TEP1: variants seen among roughly 807,000 people sequenced by gnomAD.
TEP1 encodes telomerase associated protein 1, also known as telomerase protein component 1.
Under a neutral mutation model 306.3 loss-of-function variants are expected in TEP1, and 241 were observed. That is an observed-to-expected ratio of 0.79 (90% CI 0.71 to 0.88). TEP1 has a LOEUF of 0.88. TEP1 is among the 40% of genes least tolerant of loss of function. TEP1 has a pLI of 0.00. For synonymous variants in TEP1, 1,289 were observed against 1,305.5 expected (o/e 0.99, Z 0.27); for missense variants, 3,051 against 3,276.1 (o/e 0.93, Z 1.68).
intron 21 of TEP1, 68 bp from the exon 22 acceptor site, chr14:20,384,781 C>T: frequency 6.6e-7 from 1 of 1,525,062 alleles, no homozygotes; most frequent in Non-Finnish European, 9.0e-7. Context: ...CACCAACCAC[C>T]AGACATAGCT....
chr14:20,380,460 T>C lies in TEP1; in HGVS notation c.4778A>G (p.Lys1593Arg), dbSNP rs200780330. ...AHALYASSVP[K>R]EEQKLPEADV... The stretch of plus-strand genomic sequence containing the variant: ...AGCCTCGGGGAGCTTTTGTTCCTCT[T>C]TGGGGACTGAAGAAGCTATAAAAGG... Residue 1593 changes from lysine (K) to arginine (R), a missense_variant, in exon 34 of 55, where the codon AAA becomes AGA. Physicochemically the swap from Lys to Arg is conservative, Grantham distance 26 (BLOSUM62 2). Around this residue, in one of 3 missense-constraint regions of TEP1, gnomAD observed 1,540 missense variants for 1,705.9 expected, o/e 0.90. Coordinates refer to ENST00000262715, the MANE Select transcript of TEP1 (RefSeq NM_007110.5). 5.0e-6 allele frequency: 8 copies of C among 1,613,066 alleles called. No homozygotes were observed. Among genetic ancestry groups the C allele is most frequent in the South Asian group, 1.1e-5 (1 of 91,078 alleles).
chr14:20,384,812 A>G, intron 21 of TEP1, 99 bp from the exon 22 acceptor site: 1 of 1,483,186 alleles, frequency 6.7e-7, no homozygotes. Context: ...GAAGCTCCTC[A>G]AGTAGAGAGC....
At chr14:20,384,320 T>A (rs2139073030) in intron 23 of TEP1, 71 bp downstream of exon 23, 2 of 1,610,076 alleles carry the variant, frequency 1.2e-6, no homozygotes, top group Non-Finnish European at 1.7e-6. Flanking sequence ...GCCAAGCTAC[T>A]TCCTCCCCAG....
At chr14:20,374,022 T>A (rs1295961225) in intron 44 of TEP1, among the ~76,000 whole-genome samples, 1 of 151,968 alleles carries the variant, frequency 6.6e-6, no homozygotes, top group African/African-American at 2.4e-5. Flanking sequence ...TGCTCTCCTC[T>A]CTCCCTTTAC....
intron 8 of TEP1, 75 bp from the exon 9 acceptor site, chr14:20,401,216 A>T: frequency 6.4e-7 from 1 of 1,555,018 alleles, no homozygotes; most frequent in Non-Finnish European, 8.7e-7. Flanking sequence ...AAGGTGAGTC[A>T]TGTTTACAGG....
chr14:20,383,649 A>G lies in TEP1; in HGVS notation c.3711-5T>C. On this transcript the variant is annotated splice_region_variant and splice_polypyrimidine_tract_variant and intron_variant, in intron 25 of 54. Transcript: ENST00000262715. ...TGCAGCTCCCACACCAGGCTTCTGT[A>G]CATGGAGAGGAAGTCAGGGTCAGTG... 6.2e-7 allele frequency: 1 copy of G among 1,612,808 alleles called. No homozygotes were observed. The highest frequency in any genetic ancestry group is 1.1e-5 in the South Asian group (1 of 90,756).
chr14:20,377,547 G>A lies in TEP1; in HGVS notation c.5875+53C>T, dbSNP rs1222577387. On this transcript the variant is annotated intron_variant, in intron 40 of 54. Transcript: ENST00000262715. ...GACACTTGGGAAGGGGTAGGGGGCA[G>A]GGGCTGCGCTCTTTCTAAAGGCTCA... The A allele has an allele frequency of 5.6e-6, 9 of 1,612,678 alleles. No homozygotes were observed. The East Asian group carries it at 2.0e-4, about 36-fold the overall frequency.
chr14:20,382,092 A>C (rs764641928), intron 29 of TEP1, 29 bp from the exon 30 acceptor site: 10 of 1,613,170 alleles, frequency 6.2e-6, no homozygotes, highest in Middle Eastern at 1.6e-4. Context: ...TGAGGCCCTC[A>C]TCTAACCATA....
At position 20,378,981 on chromosome 14, in the gene TEP1, C is replaced by G; in HGVS notation, c.5252G>C (p.Arg1751Pro). 6.2e-7 allele frequency: 1 copy of G among 1,614,160 alleles called. No homozygotes were observed. Among genetic ancestry groups the G allele is most frequent in the Non-Finnish European group, 8.5e-7 (1 of 1,180,022 alleles). Residue 1751 changes from arginine to proline, a missense_variant and splice_region_variant, in exon 36 of 55, where the codon CGG becomes CCG. This residue lies in a region of TEP1 where 1,540 missense variants were observed against 1,705.9 expected (regional missense o/e 0.90). Coordinates refer to ENST00000262715, the MANE Select transcript of TEP1 (RefSeq NM_007110.5). ...AAGACAAATGGGGAGGACCCCTTAC[C>G]GACAACCATGCTGCAGGTCCCAGAG... ...LELWDLQHGCRVLQTKAHQYQ... is the reference protein window; with the variant it reads ...LELWDLQHGCPVLQTKAHQYQ...
chr14:20,374,400 C>A (rs756662338), intron 44 of TEP1, 29 bp downstream of exon 44: 7 of 1,567,016 alleles, frequency 4.5e-6, no homozygotes, highest in African/African-American at 4.1e-5. Flanking sequence ...TCCAGAGACC[C>A]CCCAGTGGGA....
intron 1 of TEP1, among the ~76,000 whole-genome samples, chr14:20,410,172 C>T (rs1260833726): frequency 1.3e-5 from 2 of 151,792 alleles, no homozygotes; most frequent in African/African-American, 4.8e-5. Context: ...TATTATTATC[C>T]AGTAAACTAC....
In TEP1 at chr14:20,381,902, G is replaced by GGC; in HGVS notation, c.4424+9_4424+10dup. The stretch of plus-strand genomic sequence containing the variant: ...GAGAGGTCAGCGGGAGCTCTGCTGG[G>GGC]GCACCTGTACCTGCGCAGACTCTGG... On this transcript the variant is annotated intron_variant, in intron 30 of 54. Coordinates refer to ENST00000262715, the MANE Select transcript of TEP1 (RefSeq NM_007110.5). The surrounding 1 kb of genome is among the most constrained non-coding windows in gnomAD (Gnocchi z 4.0). 1 of 1,613,492 alleles carries GGC rather than the reference G, an allele frequency of 6.2e-7. No individual in the cohort carries two copies. The highest frequency in any genetic ancestry group is 1.1e-5 in the South Asian group (1 of 91,038).
chr14:20,400,137 CAAAAAAA>C (rs58121179), intron 9 of TEP1, among the ~76,000 whole-genome samples: 3 of 80,492 alleles, frequency 3.7e-5, no homozygotes, highest in African/African-American at 8.0e-5. Flanking sequence ...AACTCCGTCT[CAAAAAAA>C]AAAAAAAAAA....
In TEP1 at chr14:20,366,356, T is replaced by A. The variant is rs1247823702; in HGVS notation, c.*2081A>T. 6.6e-6 allele frequency: 1 copy of A among 152,218 alleles called. No homozygotes were observed. The highest frequency in any genetic ancestry group is 2.4e-5 in the African/African-American group (1 of 41,446). The allele number at this position is 152,218 out of a possible 1,614,324, so 9.4% of individuals were successfully genotyped here. On this transcript the variant is annotated 3_prime_UTR_variant, in exon 55 of 55. Transcript: ENST00000262715. ...TTTTAGGGGAGCAAAAGGCAAAAGA[T>A]TGAAATCAATGACTAGGATGATGCC...
chr14:20,403,071 C>T (rs1027067877), intron 7 of TEP1, among the ~76,000 whole-genome samples: 4 of 149,586 alleles, frequency 2.7e-5, no homozygotes, highest in African/African-American at 4.9e-5. Context: ...GCAGGAGAAT[C>T]GCTTGAGCCT....
At chr14:20,405,630 G>T in intron 3 of TEP1, 45 bp from the exon 4 acceptor site, 1 of 1,603,382 alleles carries the variant, frequency 6.2e-7, no homozygotes. Flanking sequence ...GAGGTAACAA[G>T]GACCAACTTA....
chr14:20,406,469 A>G, intron 2 of TEP1, 69 bp from the exon 3 acceptor site: 1 of 1,513,552 alleles, frequency 6.6e-7, no homozygotes, highest in South Asian at 1.2e-5. Context: ...ATGGATCTGA[A>G]GGCAGCACCA....
chr14:20,377,367 A>T lies in TEP1; in HGVS notation c.6001T>A (p.Ser2001Thr). The T allele has an allele frequency of 6.2e-7, 1 of 1,614,168 alleles. No homozygotes were observed. Among genetic ancestry groups the T allele is most frequent in the South Asian group, 1.1e-5 (1 of 91,082 alleles). ...SLQGWALKEC[S>T]LQSLWLLSRF... ...GACAGGAGCCAGAGGGACTGAAGGGAGCATTCCTTGAGTGCCCAGCCCTGC... is the reference window on the plus strand; with the variant it reads ...GACAGGAGCCAGAGGGACTGAAGGGTGCATTCCTTGAGTGCCCAGCCCTGC... The change falls in exon 41 of 55, where the codon TCC becomes ACC. Residue 2001 changes from serine to threonine, a missense_variant. Around this residue, in one of 3 missense-constraint regions of TEP1, gnomAD observed 1,540 missense variants for 1,705.9 expected, o/e 0.90. Coordinates refer to ENST00000262715, the MANE Select transcript of TEP1 (RefSeq NM_007110.5).
At chr14:20,395,761 T>C (rs1818302964) in intron 11 of TEP1, 98 bp downstream of exon 11, 1 of 1,507,708 alleles carries the variant, frequency 6.6e-7, no homozygotes. Flanking sequence ...CGATACACCC[T>C]GAGACTGCAA....
Sources: allele counts gnomAD v4.1 joint callset (sites outside exome capture counted in the v4.1 genomes callset), GRCh38; gene constraint gnomAD v4.1.1; regional missense constraint gnomAD v4.1.1; non-coding constraint Gnocchi (gnomAD v3.1); transcripts MANE v1.5; gene names NCBI Gene and HGNC (gene_info 2026-07-23, HGNC 2026-07-21).